DRAXIN: variants seen among roughly 807,000 people sequenced by gnomAD.
DRAXIN encodes dorsal inhibitory axon guidance protein.
In DRAXIN, 27 loss-of-function variants were observed where a neutral mutation model predicts 33.9. The ratio of observed to expected loss-of-function variants is 0.80; its 90% CI spans 0.59 to 1.10. The LOEUF is 1.10. DRAXIN is among the 50% of genes least tolerant of loss of function. DRAXIN has a pLI of 0.00. For synonymous variants in DRAXIN, 178 were observed against 194.0 expected, an observed-to-expected ratio of 0.92 and a Z score of 0.69; for missense variants, 371 against 460.8, an observed-to-expected ratio of 0.81 and a Z score of 1.78.
intron 3 of DRAXIN, among the ~76,000 whole-genome samples, chr1:11,710,120 G>A (rs1474638875): frequency 1.1e-4 from 16 of 150,856 alleles, no homozygotes; most frequent in Middle Eastern, 3.4e-3. Context: ...GGGAGGCGGA[G>A]GCTGTAGCGT....
intron 3 of DRAXIN, among the ~76,000 whole-genome samples, chr1:11,709,762 G>C (rs1476269770): frequency 6.6e-6 from 1 of 152,246 alleles, no homozygotes; most frequent in Admixed American, 6.5e-5. Context: ...GAGCAGCAAG[G>C]CCTGGGGAGG....
In DRAXIN at chr1:11,715,251, A is replaced by G. The variant is rs754583140; in HGVS notation, c.937+43A>G. 6.2e-6 allele frequency: 10 copies of G among 1,609,420 alleles called. No individual in the cohort carries two copies. In the African/African-American group the frequency reaches 1.3e-4, roughly 22 times the overall value. On this transcript the variant is annotated intron_variant, in intron 6 of 6. Transcript: ENST00000294485. ...TGCGGGGGGCTACCCATGCTCTGAG[A>G]ACCACAAAGCCTCCCTTTCTCGAAG...
At chr1:11,695,638 G>A (rs902801223) in intron 1 of DRAXIN, among the ~76,000 whole-genome samples, 1 of 151,644 alleles carries the variant, frequency 6.6e-6, no homozygotes, top group African/African-American at 2.4e-5. Flanking sequence ...ATACTTCAAA[G>A]GGTCAAGTTA....
chr1:11,695,049 C>T (rs983387281), intron 1 of DRAXIN, among the ~76,000 whole-genome samples: 4 of 152,088 alleles, frequency 2.6e-5, no homozygotes, highest in Admixed American at 6.5e-5. Context: ...CCAGCTCATG[C>T]CACCTTCCCT....
chr1:11,709,550 TGAGGCACGGGGGCAG>T, intron 3 of DRAXIN, 85 bp downstream of exon 3: 1 of 1,430,364 alleles, frequency 7.0e-7, no homozygotes, highest in Non-Finnish European at 9.3e-7. Context: ...GTAGGGAGAC[TGAGGCACGGGGGCAG>T]GAGGCCACAG....
At chr1:11,709,809 T>G (rs1641447884) in intron 3 of DRAXIN, among the ~76,000 whole-genome samples, 1 of 152,216 alleles carries the variant, frequency 6.6e-6, no homozygotes, top group Admixed American at 6.5e-5. Flanking sequence ...AGCATAATAA[T>G]GGTGATTTTT....
Position 11,709,484 on chromosome 1 carries a change from G to T in DRAXIN, c.642+19G>T. On this transcript the variant is annotated intron_variant, in intron 3 of 6. Transcript: ENST00000294485. ...GCCCCAGGTAAGGGGTCCCCAAACA[G>T]CCTCGGATCTGGAAGGGTCCTTGAG... 3.7e-6 allele frequency: 6 copies of T among 1,605,702 alleles called. No individual in the cohort carries two copies. The highest frequency in any genetic ancestry group is 5.1e-6 in the Non-Finnish European group (6 of 1,176,102).
rs776388482 is a variant in DRAXIN, at chr1:11,692,197, C to T, written c.-11+344C>T. Among the ~76,000 whole-genome samples, 2 of 152,226 alleles carry T rather than the reference C, an allele frequency of 1.3e-5. No individual in the cohort carries two copies. Among genetic ancestry groups the T allele is most frequent in the African/African-American group, 2.4e-5 (1 of 41,454 alleles). On this transcript the variant is annotated intron_variant, in intron 1 of 6. Coordinates refer to ENST00000294485, the MANE Select transcript of DRAXIN (RefSeq NM_198545.4). This position sits in a 1 kb window ranked among gnomAD's most constrained non-coding sequence, Gnocchi z 5.8. Reference sequence around the variant, plus strand: ...CCCGGCTCGCACCTACTCTCCTCGGCACTAGCCTTCTCTCTCCCTGACCCA... The same window carrying T: ...CCCGGCTCGCACCTACTCTCCTCGGTACTAGCCTTCTCTCTCCCTGACCCA...
rs1641162018 is a variant in DRAXIN, at chr1:11,694,632, G to A, written c.-11+2779G>A. Among the ~76,000 whole-genome samples, 1 of 151,908 alleles carries A rather than the reference G, an allele frequency of 6.6e-6. No individual in the cohort carries two copies. The highest frequency in any genetic ancestry group is 1.5e-5 in the Non-Finnish European group (1 of 67,952). Reference sequence around the variant, plus strand: ...CCAGCCTCCCCGAACTTCCCTCAGAGGCATGAGCATGTTCCTGGGGGGCAG... The same window carrying A: ...CCAGCCTCCCCGAACTTCCCTCAGAAGCATGAGCATGTTCCTGGGGGGCAG... On this transcript the variant is annotated intron_variant, in intron 1 of 6. Transcript: ENST00000294485. The surrounding 1 kb of genome is among the most constrained non-coding windows in gnomAD (Gnocchi z 4.9).
In DRAXIN at chr1:11,722,184, A is replaced by C. The variant is rs1641667164; in HGVS notation, c.*2488A>C. On this transcript the variant is annotated 3_prime_UTR_variant, in exon 7 of 7. Transcript: ENST00000294485. ...AGCAGCTTCGTACTTGAGACCAGAC[A>C]ACCCACACATGCTGTGTGTGCCTCA... 1 of 152,208 alleles carries C rather than the reference A, an allele frequency of 6.6e-6. No individual in the cohort carries two copies. Among genetic ancestry groups the C allele is most frequent in the South Asian group, 2.1e-4 (1 of 4,826 alleles). The allele number at this position is 152,208 out of a possible 1,614,324, so 9.4% of individuals were successfully genotyped here.
chr1:11,707,445 A>T (rs1290209686), intron 2 of DRAXIN, among the ~76,000 whole-genome samples: 3 of 152,190 alleles, frequency 2.0e-5, no homozygotes, highest in Non-Finnish European at 2.9e-5. Flanking sequence ...GGCCCTGGGC[A>T]AGTTCTCTTT....
At position 11,715,205 on chromosome 1, in the gene DRAXIN, G is replaced by C. The variant is rs781564073; in HGVS notation, c.934G>C (p.Glu312Gln). 5 of 1,614,132 alleles carry C rather than the reference G, an allele frequency of 3.1e-6. No individual in the cohort carries two copies. Among genetic ancestry groups the C allele is most frequent in the Non-Finnish European group, 8.5e-7 (1 of 1,180,056 alleles). The stretch of plus-strand genomic sequence containing the variant: ...ATGCTTCGATGACTGCATGTGTGTG[G>C]AAGGTGGGTCCAGACTCCTTTGCGG... ...NKCFDDCMCV[E>Q]GLRCYAKFHR... Residue 312 changes from glutamate (E) to glutamine (Q), a missense_variant, in exon 6 of 7, where the codon GAA (glutamate) becomes CAA (glutamine). By Grantham distance (29) the Glu-to-Gln change is conservative. Coordinates refer to ENST00000294485, the MANE Select transcript of DRAXIN (RefSeq NM_198545.4).
At chr1:11,693,458 C>G (rs1266973307) in intron 1 of DRAXIN, among the ~76,000 whole-genome samples, 1 of 152,176 alleles carries the variant, frequency 6.6e-6, no homozygotes, top group African/African-American at 2.4e-5. Flanking sequence ...TGACACACCA[C>G]TCCAGGAGTC....
At chr1:11,719,103 C>T (rs1641622312) in intron 6 of DRAXIN, among the ~76,000 whole-genome samples, 1 of 151,994 alleles carries the variant, frequency 6.6e-6, no homozygotes. Context: ...GGGGTTTCAC[C>T]ATGTTGGCCA....
chr1:11,719,565 C>CT lies in DRAXIN; in HGVS notation c.938-17dup, dbSNP rs760319862. ...CGGGCCCTTCGCGCCTCTGACCCCC[C>CT]TTGCCTCCACTCGCCCAGGGCTGCG... On this transcript the variant is annotated intron_variant, in intron 6 of 6. Transcript: ENST00000294485. The CT allele has an allele frequency of 6.3e-7, 1 of 1,598,852 alleles. No homozygotes were observed. The highest frequency in any genetic ancestry group is 8.5e-7 in the Non-Finnish European group (1 of 1,172,026).
Position 11,722,429 on chromosome 1 carries a change from C to T in DRAXIN, c.*2733C>T, listed in dbSNP as rs775489400. On this transcript the variant is annotated 3_prime_UTR_variant, in exon 7 of 7. Transcript: ENST00000294485. ...CCATGGTTGGAAATTCAAGGCCCGT[C>T]TCTTTGCCCTAGCTATCTCTATTTG... 1.3e-5 allele frequency: 2 copies of T among 152,206 alleles called. No homozygotes were observed. The highest frequency in any genetic ancestry group is 1.3e-4 in the Admixed American group (2 of 15,276). 9.4% of individuals were successfully genotyped at this position (152,206 alleles called of 1,614,324 possible).
chr1:11,715,094 C>T (rs1197196904), intron 5 of DRAXIN, 25 bp from the exon 6 acceptor site: 3 of 1,613,682 alleles, frequency 1.9e-6, no homozygotes, highest in East Asian at 2.2e-5. Flanking sequence ...GCTTGGCTGA[C>T]TGCGTGTGCT....
upstream of DRAXIN, among the ~76,000 whole-genome samples, chr1:11,689,559 G>T (rs1407555457): frequency 6.6e-6 from 1 of 152,002 alleles, no homozygotes; most frequent in Non-Finnish European, 1.5e-5. Context: ...TTGTGCCACT[G>T]CACTCCAGCC....
At chr1:11,693,506 C>A (rs1424544167) in intron 1 of DRAXIN, among the ~76,000 whole-genome samples, 1 of 152,138 alleles carries the variant, frequency 6.6e-6, no homozygotes, top group Non-Finnish European at 1.5e-5. Flanking sequence ...ATGAGGGCAA[C>A]TTCAGAAGAG....
Sources: allele counts gnomAD v4.1 joint callset (sites outside exome capture counted in the v4.1 genomes callset), GRCh38; gene constraint gnomAD v4.1.1; non-coding constraint Gnocchi (gnomAD v3.1); transcripts MANE v1.5; gene names NCBI Gene and HGNC (gene_info 2026-07-23, HGNC 2026-07-21).